ARHGAP28: variants seen among roughly 807,000 people sequenced by gnomAD.
The protein encoded by ARHGAP28 is rho GTPase-activating protein 28.
A neutral mutation model predicts 90.7 loss-of-function variants in ARHGAP28; 56 were observed. That is an observed-to-expected ratio of 0.62 (90% confidence interval 0.50 to 0.77). The LOEUF (loss-of-function observed/expected upper bound fraction) is 0.77, where lower values mean the gene tolerates loss of function less well. Ranked by LOEUF, ARHGAP28 falls within the 30% of genes least tolerant of loss-of-function variation. ARHGAP28 has a pLI of 0.00. For synonymous variants in ARHGAP28, 308 were observed against 323.3 expected (o/e 0.95, Z 0.51); for missense variants, 869 against 900.9 (o/e 0.96, Z 0.45).
chr18:6,898,684 G>C (rs1425961348), intron 16 of ARHGAP28: 3 of 1,416,554 alleles, frequency 2.1e-6, no homozygotes, highest in Admixed American at 5.7e-5. Context: ...ACCTTTCGTA[G>C]AAAGAAAATG....
intron 1 of ARHGAP28, among the ~76,000 whole-genome samples, chr18:6,805,479 CTT>C (rs756550297): frequency 2.2e-4 from 21 of 97,566 alleles, no homozygotes; most frequent in Admixed American, 9.0e-4. Flanking sequence ...TAACCTTTGC[CTT>C]TTTTTTTTTT....
intron 1 of ARHGAP28, among the ~76,000 whole-genome samples, chr18:6,797,213 T>C (rs2143596904): frequency 6.6e-6 from 1 of 152,332 alleles, no homozygotes; most frequent in East Asian, 1.9e-4. Flanking sequence ...TTGTTGTAGT[T>C]GTTTTTAATC....
At chr18:6,780,171 C>G (rs546617645) in intron 1 of ARHGAP28, among the ~76,000 whole-genome samples, 1 of 152,248 alleles carries the variant, frequency 6.6e-6, no homozygotes, top group East Asian at 1.9e-4. Flanking sequence ...TATGCAGAAG[C>G]GAGACCACTG....
intron 5 of ARHGAP28, among the ~76,000 whole-genome samples, chr18:6,866,308 C>A (rs886140875): frequency 6.6e-6 from 1 of 152,136 alleles, no homozygotes; most frequent in Non-Finnish European, 1.5e-5. Context: ...TAATTTATTT[C>A]TTATGTTTTT....
At chr18:6,824,986 C>G (rs768005315) in intron 2 of ARHGAP28, 22 bp downstream of exon 2, 1 of 1,516,318 alleles carries the variant, frequency 6.6e-7, no homozygotes, top group Non-Finnish European at 8.8e-7. Flanking sequence ...GATTTGTCTT[C>G]CTATGTGCTG....
intron 10 of ARHGAP28, among the ~76,000 whole-genome samples, chr18:6,878,880 T>G (rs1008827727): frequency 3.3e-5 from 5 of 152,212 alleles, no homozygotes; most frequent in Non-Finnish European, 7.3e-5. Flanking sequence ...TTATTCAAAC[T>G]TTTTATTTAA....
intron 1 of ARHGAP28, among the ~76,000 whole-genome samples, chr18:6,813,345 TAA>T (rs1054029365): frequency 6.6e-6 from 1 of 152,244 alleles, no homozygotes; most frequent in Non-Finnish European, 1.5e-5. Flanking sequence ...AGTTGCTTTT[TAA>T]TGTGTAGTTC....
intron 1 of ARHGAP28, among the ~76,000 whole-genome samples, chr18:6,824,059 C>T (rs1017470882): frequency 2.6e-5 from 4 of 152,148 alleles, no homozygotes; most frequent in African/African-American, 9.7e-5. Flanking sequence ...ATAATAACCA[C>T]CTAATGGTTG....
At chr18:6,787,117 G>T (rs1232714957) in intron 1 of ARHGAP28, among the ~76,000 whole-genome samples, 1 of 151,464 alleles carries the variant, frequency 6.6e-6, no homozygotes, top group Non-Finnish European at 1.5e-5. Flanking sequence ...CTACTGGGAA[G>T]GCTGAGGCAG....
chr18:6,839,585 CT>C (rs367786124), intron 3 of ARHGAP28, among the ~76,000 whole-genome samples: 20 of 152,196 alleles, frequency 1.3e-4, no homozygotes, highest in South Asian at 6.2e-4. Flanking sequence ...GCGTGAGCCA[CT>C]GCGCCCGGCC....
chr18:6,817,332 C>CAAAAA (rs34524960), intron 1 of ARHGAP28, among the ~76,000 whole-genome samples: 1 of 147,774 alleles, frequency 6.8e-6, no homozygotes, highest in Non-Finnish European at 1.5e-5. Flanking sequence ...AACAAACAAA[C>CAAAAA]AAAAAAAAAA....
chr18:6,855,940 C>T (rs2056949895), intron 4 of ARHGAP28, among the ~76,000 whole-genome samples: 1 of 152,254 alleles, frequency 6.6e-6, no homozygotes, highest in Non-Finnish European at 1.5e-5. Context: ...TGCGCTTGCT[C>T]ACACACCCCT....
chr18:6,836,140 G>C (rs116227400), intron 2 of ARHGAP28: 83 of 152,326 alleles, frequency 5.4e-4, no homozygotes, highest in African/African-American at 2.0e-3. Context: ...AGAGAGCCCT[G>C]ACTGGAAATA....
chr18:6,811,600 G>A lies in ARHGAP28; in HGVS notation c.123-13162G>A, dbSNP rs1044476380. On this transcript the variant is annotated intron_variant, in intron 1 of 17. Transcript: ENST00000383472. ...TGTGTTCAGAAGTGCAGAGGGCTGT[G>A]GGAGGGCTCTAGAAACTTTCGCTTA... Among the ~76,000 whole-genome samples the A allele has an allele frequency of 2.0e-5, 3 of 152,098 alleles. No homozygotes were observed. The East Asian group carries it at 5.8e-4, about 29-fold the overall frequency.
intron 1 of ARHGAP28, among the ~76,000 whole-genome samples, chr18:6,820,545 AG>A (rs2056619872): frequency 6.6e-6 from 1 of 152,264 alleles, no homozygotes; most frequent in South Asian, 2.1e-4. Context: ...GAAAGACATT[AG>A]CCCACAGATT....
intron 1 of ARHGAP28, chr18:6,730,216 C>CATAT (rs1555621909): frequency 0.011 from 1,166 of 105,396 alleles, 23 homozygotes; most frequent in African/African-American, 0.065. Flanking sequence ...GAGGATAAGT[C>CATAT]ATGTGTATAT....
intron 2 of ARHGAP28, among the ~76,000 whole-genome samples, chr18:6,834,032 A>T (rs114583450): frequency 0.014 from 2,159 of 152,200 alleles, 53 homozygotes; most frequent in African/African-American, 0.049. Context: ...TGCATAGAGC[A>T]GGGCAAGCAG....
chr18:6,758,177 C>G (rs117507116), intron 1 of ARHGAP28, among the ~76,000 whole-genome samples: 5,106 of 152,222 alleles, frequency 0.034, 127 homozygotes, highest in Non-Finnish European at 0.048. Context: ...TAGGATAATC[C>G]AAGTGAGAAA....
At chr18:6,742,623 G>A (rs902537237) in intron 1 of ARHGAP28, among the ~76,000 whole-genome samples, 1 of 152,176 alleles carries the variant, frequency 6.6e-6, no homozygotes, top group Non-Finnish European at 1.5e-5. Flanking sequence ...CAGCAGACAG[G>A]TGGCTATACA....
Sources: allele counts gnomAD v4.1 joint callset (sites outside exome capture counted in the v4.1 genomes callset), GRCh38; gene constraint gnomAD v4.1.1; transcripts MANE v1.5; gene names NCBI Gene and HGNC (gene_info 2026-07-23, HGNC 2026-07-21).